Variants in SIPA1L1 observed in about 807,000 individuals in gnomAD.
SIPA1L1 encodes signal induced proliferation associated 1 like 1.
Under a neutral mutation model 162.7 loss-of-function variants are expected in SIPA1L1, and 26 were observed. The observed-to-expected ratio is 0.16, with a 90% CI of 0.12 to 0.22. The LOEUF (loss-of-function observed/expected upper bound fraction) is 0.22, where lower values mean the gene tolerates loss of function less well. SIPA1L1 is among the 10% of genes least tolerant of loss of function. SIPA1L1 has a pLI of 1.00. For missense variants in SIPA1L1, 1,874 were observed against 2,241.0 expected, an observed-to-expected ratio of 0.84 and a Z score of 3.31; for synonymous variants, 829 against 837.4, an observed-to-expected ratio of 0.99 and a Z score of 0.17.
intron 7 of SIPA1L1, among the ~76,000 whole-genome samples, chr14:71,625,157 G>A (rs2039841212): frequency 6.6e-6 from 1 of 151,978 alleles, no homozygotes. Flanking sequence ...ACCAGATTTG[G>A]ATAGGATTTC....
intron 2 of SIPA1L1, among the ~76,000 whole-genome samples, chr14:71,371,810 G>A (rs1173399764): frequency 6.6e-6 from 1 of 152,170 alleles, no homozygotes; most frequent in African/African-American, 2.4e-5. Flanking sequence ...TATAATTGGA[G>A]TTTAAGCAAA....
chr14:71,327,943 C>T (rs1326458392), intron 2 of SIPA1L1, among the ~76,000 whole-genome samples: 1 of 152,136 alleles, frequency 6.6e-6, no homozygotes. Context: ...ACTCCTAGCT[C>T]AGAATGTGCT....
chr14:71,565,502 G>T (rs886567519), intron 4 of SIPA1L1, among the ~76,000 whole-genome samples: 1 of 152,176 alleles, frequency 6.6e-6, no homozygotes, highest in African/African-American at 2.4e-5. Context: ...AATTTTGAAA[G>T]TATAATATCT....
intron 19 of SIPA1L1, among the ~76,000 whole-genome samples, chr14:71,729,440 G>A (rs1053464946): frequency 1.3e-5 from 2 of 152,176 alleles, no homozygotes; most frequent in South Asian, 4.1e-4. Flanking sequence ...GTGTAAGTTA[G>A]TAGTTAATCA....
At chr14:71,407,953 T>C (rs1336379082) in intron 2 of SIPA1L1, among the ~76,000 whole-genome samples, 2 of 152,152 alleles carry the variant, frequency 1.3e-5, no homozygotes, top group Non-Finnish European at 2.9e-5. Context: ...AAGTCAACAA[T>C]GGAAAGACTT....
intron 2 of SIPA1L1, among the ~76,000 whole-genome samples, chr14:71,415,570 A>G (rs2042698345): frequency 6.6e-6 from 1 of 152,188 alleles, no homozygotes; most frequent in South Asian, 2.1e-4. Flanking sequence ...GTCAGTACAT[A>G]TTATTGAGTG....
At chr14:71,597,582 G>A (rs2036191606) in intron 5 of SIPA1L1, among the ~76,000 whole-genome samples, 1 of 152,136 alleles carries the variant, frequency 6.6e-6, no homozygotes, top group Non-Finnish European at 1.5e-5. Flanking sequence ...GTATAGGAAG[G>A]TGTCCCTGTG....
At chr14:71,467,635 C>T (rs1337647625) in intron 2 of SIPA1L1, among the ~76,000 whole-genome samples, 1 of 151,846 alleles carries the variant, frequency 6.6e-6, no homozygotes, top group African/African-American at 2.4e-5. Context: ...AAAAATTGTC[C>T]CTTATGTTTT....
chr14:71,365,230 T>G (rs2038176182), intron 2 of SIPA1L1, among the ~76,000 whole-genome samples: 1 of 150,732 alleles, frequency 6.6e-6, no homozygotes, highest in South Asian at 2.1e-4. Flanking sequence ...CACAGGCTAG[T>G]CTTGAACTCC....
At chr14:71,430,001 G>A (rs1221201922) in intron 2 of SIPA1L1, among the ~76,000 whole-genome samples, 4 of 152,192 alleles carry the variant, frequency 2.6e-5, no homozygotes, top group Admixed American at 1.3e-4. Flanking sequence ...GGTAAAGCTA[G>A]GTGTGAGGGT....
intron 2 of SIPA1L1, among the ~76,000 whole-genome samples, chr14:71,501,564 G>A (rs1231071895): frequency 6.6e-6 from 1 of 152,166 alleles, no homozygotes. Flanking sequence ...ATGGTTGTTA[G>A]CACTGGAGGT....
intron 13 of SIPA1L1, among the ~76,000 whole-genome samples, chr14:71,696,160 A>G (rs1386753732): frequency 2.0e-5 from 3 of 152,174 alleles, no homozygotes; most frequent in South Asian, 2.1e-4. Context: ...AGATCTGGCA[A>G]CCTAATTACA....
intron 2 of SIPA1L1, among the ~76,000 whole-genome samples, chr14:71,506,732 G>T (rs769807264): frequency 4.0e-5 from 6 of 150,018 alleles, no homozygotes; most frequent in African/African-American, 4.9e-5. Context: ...ATTGTTAAGG[G>T]TATTTTTACA....
chr14:71,505,970 C>G (rs1234629652), intron 2 of SIPA1L1, among the ~76,000 whole-genome samples: 3 of 142,778 alleles, frequency 2.1e-5, no homozygotes, highest in Admixed American at 7.0e-5. Flanking sequence ...TCCCCCCCCC[C>G]AAAAAAAAAA....
intron 12 of SIPA1L1, among the ~76,000 whole-genome samples, chr14:71,683,291 A>G (rs1036844245): frequency 2.6e-5 from 4 of 152,220 alleles, no homozygotes; most frequent in Non-Finnish European, 5.9e-5. Flanking sequence ...ATACATAATA[A>G]TAAAGTTCTG....
At chr14:71,734,572 T>A (rs1242717375) in intron 21 of SIPA1L1, among the ~76,000 whole-genome samples, 1 of 152,242 alleles carries the variant, frequency 6.6e-6, no homozygotes, top group Non-Finnish European at 1.5e-5. Flanking sequence ...AATTGCTATT[T>A]AGTCAAGTTT....
intron 2 of SIPA1L1, among the ~76,000 whole-genome samples, chr14:71,401,794 A>T (rs2041689984): frequency 6.6e-6 from 1 of 152,146 alleles, no homozygotes; most frequent in South Asian, 2.1e-4. Context: ...GAAATAAAAA[A>T]ATTTACCAGT....
intron 2 of SIPA1L1, among the ~76,000 whole-genome samples, chr14:71,374,947 G>A (rs2039241611): frequency 1.3e-5 from 2 of 152,130 alleles, no homozygotes. Context: ...TGACCACAGA[G>A]TTTTCAGTGA....
chr14:71,577,452 C>T (rs2033238582), intron 4 of SIPA1L1, among the ~76,000 whole-genome samples: 1 of 151,590 alleles, frequency 6.6e-6, no homozygotes, highest in Non-Finnish European at 1.5e-5. Context: ...TCTCAGCTTA[C>T]TGCAACCTCC....
Sources: gnomAD v4.1 joint callset for allele counts (sites outside exome capture counted in the v4.1 genomes callset) on GRCh38, gnomAD v4.1.1 for gene constraint, MANE v1.5 for transcripts, NCBI Gene and HGNC (gene_info 2026-07-23, HGNC 2026-07-21) for gene names.